The following EYS variants were observed in gnomAD, a reference collection of about 807,000 sequenced individuals.
EYS encodes protein eyes shut homolog.
In EYS, 250 loss-of-function variants were observed where a neutral mutation model predicts 282.1. The observed-to-expected ratio is 0.89, with a 90% CI of 0.80 to 0.98. The LOEUF (loss-of-function observed/expected upper bound fraction) is 0.98. Ranked by LOEUF, EYS falls within the 50% of genes least tolerant of loss-of-function variation. The pLI is 0.00. For missense variants in EYS, 4,016 were observed against 3,709.0 expected (o/e 1.08, Z -2.15); for synonymous variants, 1,355 against 1,282.9 (o/e 1.06, Z -1.20).
At chr6:64,042,560 G>C (rs1407878212) in intron 33 of EYS, among the ~76,000 whole-genome samples, 8 of 152,140 alleles carry the variant, frequency 5.3e-5, no homozygotes, top group Admixed American at 3.3e-4. Context: ...CCCAGGTAGT[G>C]CCTTGGGAAG....
At chr6:64,838,772 T>A (rs1269808012) in intron 19 of EYS, among the ~76,000 whole-genome samples, 4 of 152,014 alleles carry the variant, frequency 2.6e-5, no homozygotes, top group Non-Finnish European at 5.9e-5. Context: ...CCTGTGGAGT[T>A]GTAGAACTGA....
At chr6:64,209,978 T>G (rs1765712647) in intron 31 of EYS, among the ~76,000 whole-genome samples, 2 of 152,218 alleles carry the variant, frequency 1.3e-5, no homozygotes, top group South Asian at 4.1e-4. Context: ...ATTGCCTGCC[T>G]GTTTAATAAC....
chr6:64,150,191 C>A (rs1774655302), intron 31 of EYS, among the ~76,000 whole-genome samples: 1 of 152,172 alleles, frequency 6.6e-6, no homozygotes. Flanking sequence ...TTAGAACCTG[C>A]AGTTTTACAA....
chr6:63,975,041 TA>T (rs1050142281), intron 35 of EYS, among the ~76,000 whole-genome samples: 1 of 151,120 alleles, frequency 6.6e-6, no homozygotes, highest in Non-Finnish European at 1.5e-5. Flanking sequence ...AAAGAAAGAA[TA>T]AATGACCTCA....
chr6:65,405,044 G>T, intron 6 of EYS, 130 bp downstream of exon 6: 2 of 651,768 alleles, frequency 3.1e-6, no homozygotes, highest in Non-Finnish European at 2.6e-6. Flanking sequence ...TAAGTAGACC[G>T]TTCTTGTTCG....
chr6:65,440,030 A>T (rs1200343783), intron 5 of EYS, among the ~76,000 whole-genome samples: 2 of 152,096 alleles, frequency 1.3e-5, no homozygotes, highest in African/African-American at 4.8e-5. Context: ...AGCATTGGAA[A>T]GGTTAAACAG....
At chr6:64,719,474 A>C (rs564081893) in intron 22 of EYS, among the ~76,000 whole-genome samples, 1 of 152,314 alleles carries the variant, frequency 6.6e-6, no homozygotes, top group African/African-American at 2.4e-5. Context: ...TAAGTTTTTA[A>C]GTTAACAAGT....
intron 31 of EYS, among the ~76,000 whole-genome samples, chr6:64,088,681 C>A (rs567913102): frequency 3.9e-4 from 59 of 151,750 alleles, no homozygotes; most frequent in African/African-American, 1.3e-3. Context: ...TGAATCAGGG[C>A]CACTATCAAT....
intron 8 of EYS, among the ~76,000 whole-genome samples, chr6:65,381,194 C>A (rs1765596822): frequency 6.6e-6 from 1 of 152,002 alleles, no homozygotes; most frequent in African/African-American, 2.4e-5. Context: ...CTATTTACAA[C>A]AGCAAAGACT....
At chr6:65,295,692 C>T in intron 12 of EYS, 171 bp downstream of exon 12, 3 of 624,056 alleles carry the variant, frequency 4.8e-6, no homozygotes, top group Non-Finnish European at 8.0e-6. Flanking sequence ...CCCAAAGAAG[C>T]AATCCTATTA....
intron 31 of EYS, among the ~76,000 whole-genome samples, chr6:64,220,876 C>A (rs1391490195): frequency 6.6e-6 from 1 of 152,112 alleles, no homozygotes; most frequent in Non-Finnish European, 1.5e-5. Flanking sequence ...TAACCATGGA[C>A]AAAACACTTA....
At chr6:65,562,732 T>G (rs969653615) in intron 2 of EYS, among the ~76,000 whole-genome samples, 1 of 152,108 alleles carries the variant, frequency 6.6e-6, no homozygotes, top group African/African-American at 2.4e-5. Context: ...AAATAAATAC[T>G]GTGTTAATTA....
intron 41 of EYS, 83 bp downstream of exon 41, chr6:63,762,378 C>T: frequency 1.5e-6 from 2 of 1,314,198 alleles, no homozygotes; most frequent in Admixed American, 2.5e-5. Context: ...TACTTTTTTA[C>T]TTCTCAAAAA....
At chr6:63,790,661 G>A (rs1365850515) in intron 37 of EYS, among the ~76,000 whole-genome samples, 1 of 152,192 alleles carries the variant, frequency 6.6e-6, no homozygotes, top group East Asian at 1.9e-4. Context: ...GATTCAGGAA[G>A]GCAGTTAGAA....
chr6:65,658,073 T>C (rs1010752690), intron 1 of EYS, among the ~76,000 whole-genome samples: 1 of 151,826 alleles, frequency 6.6e-6, no homozygotes, highest in Non-Finnish European at 1.5e-5. Context: ...ACTTAATAGA[T>C]TACAGTATAG....
Position 64,678,553 on chromosome 6 carries a change from G to A in EYS, c.3444-52308C>T, listed in dbSNP as rs113381913. 3.8e-3 allele frequency among the ~76,000 whole-genome samples: 573 copies of A among 151,910 alleles called. 4 individuals carry two copies. The highest frequency in any genetic ancestry group is 0.013 in the African/African-American group (525 of 41,454). ...AGATAGGGTGACTGCACTCCAGCCTGGGCAACAGAGCGAGACTCCGTCTTA... is the reference window on the plus strand; with the variant it reads ...AGATAGGGTGACTGCACTCCAGCCTAGGCAACAGAGCGAGACTCCGTCTTA... On this transcript the variant is annotated intron_variant, in intron 22 of 42. Transcript: ENST00000503581.
intron 41 of EYS, among the ~76,000 whole-genome samples, chr6:63,746,274 C>T (rs543652039): frequency 6.6e-6 from 1 of 152,190 alleles, no homozygotes; most frequent in Non-Finnish European, 1.5e-5. Flanking sequence ...AGGGATGAAG[C>T]CGACTTGATC....
At chr6:63,833,701 A>T (rs1371496091) in intron 36 of EYS, among the ~76,000 whole-genome samples, 1 of 152,200 alleles carries the variant, frequency 6.6e-6, no homozygotes, top group Admixed American at 6.5e-5. Context: ...CAGAACTGGA[A>T]AAAACTACTT....
intron 35 of EYS, among the ~76,000 whole-genome samples, chr6:63,981,629 C>CA (rs1767097362): frequency 6.6e-6 from 1 of 151,850 alleles, no homozygotes; most frequent in East Asian, 1.9e-4. Context: ...TATAAAGGGA[C>CA]ATACAGATCT....
Sources: gnomAD v4.1 joint callset for allele counts (sites outside exome capture counted in the v4.1 genomes callset) on GRCh38, gnomAD v4.1.1 for gene constraint, MANE v1.5 for transcripts, NCBI Gene and HGNC (gene_info 2026-07-23, HGNC 2026-07-21) for gene names.